Variants in SDK1 observed in about 807,000 individuals in gnomAD.
The protein encoded by SDK1 is protein sidekick-1.
In SDK1, 157 loss-of-function variants were observed where a neutral mutation model predicts 245.5. That is an observed-to-expected ratio of 0.64 (90% CI 0.56 to 0.73). The LOEUF (loss-of-function observed/expected upper bound fraction) is 0.73. Ranked by LOEUF, SDK1 falls within the 30% of genes least tolerant of loss-of-function variation. The pLI, the probability that SDK1 is intolerant of heterozygous loss-of-function variation, is 0.00. For missense variants in SDK1, 3,583 were observed against 3,002.3 expected, an observed-to-expected ratio of 1.19 and a Z score of -4.52; for synonymous variants, 1,647 against 1,278.5, an observed-to-expected ratio of 1.29 and a Z score of -6.15.
At chr7:3,458,449 C>T (rs117875979) in intron 1 of SDK1, among the ~76,000 whole-genome samples, 3 of 152,024 alleles carry the variant, frequency 2.0e-5, no homozygotes, top group East Asian at 3.9e-4. Flanking sequence ...TGTTAAGTCT[C>T]CTGGATTTAT....
chr7:3,942,695 G>T (rs1017824992), intron 5 of SDK1, among the ~76,000 whole-genome samples: 3 of 152,174 alleles, frequency 2.0e-5, no homozygotes, highest in Non-Finnish European at 4.4e-5. Flanking sequence ...TTACCTGCTG[G>T]TTTTTTGGTG....
chr7:3,350,199 C>T (rs76087678), intron 1 of SDK1, among the ~76,000 whole-genome samples: 10,553 of 152,162 alleles, frequency 0.069, 430 homozygotes, highest in African/African-American at 0.11. Context: ...CTCAGTCTAT[C>T]AGAAAACATA....
intron 1 of SDK1, among the ~76,000 whole-genome samples, chr7:3,518,698 G>A (rs969298783): frequency 3.9e-5 from 6 of 152,006 alleles, no homozygotes; most frequent in African/African-American, 9.7e-5. Context: ...GCAATGATAC[G>A]GAGAAAAGGG....
intron 1 of SDK1, among the ~76,000 whole-genome samples, chr7:3,471,191 G>A (rs1290184100): frequency 6.6e-6 from 1 of 152,126 alleles, no homozygotes; most frequent in Non-Finnish European, 1.5e-5. Flanking sequence ...CTAATTACTT[G>A]AGTCGTGAGA....
intron 1 of SDK1, among the ~76,000 whole-genome samples, chr7:3,557,835 C>G (rs996657228): frequency 1.3e-5 from 2 of 152,140 alleles, no homozygotes; most frequent in Admixed American, 1.3e-4. Context: ...AGACCTTGTT[C>G]TCATTCACAC....
intron 4 of SDK1, among the ~76,000 whole-genome samples, chr7:3,758,304 C>G (rs1209000701): frequency 1.3e-5 from 2 of 152,144 alleles, no homozygotes; most frequent in Non-Finnish European, 2.9e-5. Flanking sequence ...GGTGATTTTT[C>G]TCATTTCCCT....
At position 4,038,330 on chromosome 7, in the gene SDK1, A is replaced by G. The variant is rs199928333; in HGVS notation, c.2603-11018A>G. On this transcript the variant is annotated intron_variant, in intron 17 of 44. Transcript: ENST00000404826. ...GAGTTCCACTGAAACTTAAACTCCA[A>G]ACTCTTCACGCCCAGAGTCTATGAC... is the stretch of plus-strand genomic sequence containing the variant. Among the ~76,000 whole-genome samples the G allele has an allele frequency of 5.9e-5, 9 of 152,116 alleles. No individual in the cohort carries two copies. The East Asian group carries it at 1.5e-3, about 26-fold the overall frequency.
At chr7:3,914,922 A>G (rs1014819756) in intron 5 of SDK1, among the ~76,000 whole-genome samples, 1 of 152,232 alleles carries the variant, frequency 6.6e-6, no homozygotes, top group Non-Finnish European at 1.5e-5. Flanking sequence ...GTCTTAAGTG[A>G]CGGGCAAGAC....
chr7:3,520,749 A>C (rs190997203), intron 1 of SDK1, among the ~76,000 whole-genome samples: 200 of 152,308 alleles, frequency 1.3e-3, no homozygotes, highest in Non-Finnish European at 2.4e-3. Context: ...TTTTACCAGC[A>C]TTTAAAGAAC....
intron 1 of SDK1, among the ~76,000 whole-genome samples, chr7:3,365,675 AG>A (rs1781069200): frequency 6.6e-6 from 1 of 152,224 alleles, no homozygotes. Flanking sequence ...TGAAGGGCAT[AG>A]TCCTTTCAAT....
chr7:3,488,831 T>C (rs1781781537), intron 1 of SDK1, among the ~76,000 whole-genome samples: 1 of 152,102 alleles, frequency 6.6e-6, no homozygotes, highest in Non-Finnish European at 1.5e-5. Flanking sequence ...CCTCAGGGTC[T>C]CAGGATGACA....
At position 3,963,686 on chromosome 7, in the gene SDK1, G is replaced by A. The variant is rs562253655; in HGVS notation, c.1429+835G>A. 3.6e-5 allele frequency among the ~76,000 whole-genome samples: 4 copies of A among 112,502 alleles called. No individual in the cohort carries two copies. In the East Asian group the frequency reaches 1.1e-3, roughly 31 times the overall value. 73.8% of individuals were successfully genotyped at this position (112,502 alleles called of 152,430 possible). ...ATGGCTACCTGGATGTAACCAGTGG[G>A]TACACCCAGGCTCACAGCTACCTGA... On this transcript the variant is annotated intron_variant, in intron 9 of 44. Transcript: ENST00000404826.
chr7:4,090,628 A>T (rs1298126779), intron 22 of SDK1, among the ~76,000 whole-genome samples: 1 of 152,102 alleles, frequency 6.6e-6, no homozygotes, highest in Non-Finnish European at 1.5e-5. Context: ...CTGGCACAAG[A>T]TGTTCCCAAC....
intron 4 of SDK1, among the ~76,000 whole-genome samples, chr7:3,791,008 C>G (rs547744476): frequency 6.6e-6 from 1 of 152,248 alleles, no homozygotes; most frequent in South Asian, 2.1e-4. Flanking sequence ...GGGCAAGTTA[C>G]TTAACCTCTC....
chr7:3,574,716 T>G (rs1780230523), intron 1 of SDK1, among the ~76,000 whole-genome samples: 1 of 152,080 alleles, frequency 6.6e-6, no homozygotes, highest in Non-Finnish European at 1.5e-5. Context: ...ACTGCCTGGC[T>G]TCTTGAAATT....
chr7:3,484,973 G>T (rs1331523162), intron 1 of SDK1, among the ~76,000 whole-genome samples: 3 of 152,122 alleles, frequency 2.0e-5, no homozygotes, highest in Non-Finnish European at 2.9e-5. Context: ...GGGACTGCAG[G>T]TCATCTGTTT....
In SDK1 at chr7:3,660,442, G is replaced by C. The variant is rs544319412; in HGVS notation, c.713+18337G>C. On this transcript the variant is annotated intron_variant, in intron 4 of 44. Transcript: ENST00000404826. ...GTAAGAGATCAACAAAGCATAGAAA[G>C]AGAATGGGGAAATAGGAGGGAGACA... Among the ~76,000 whole-genome samples the C allele has an allele frequency of 2.6e-5, 4 of 152,224 alleles. No homozygotes were observed. The South Asian group carries it at 8.3e-4, about 32-fold the overall frequency.
intron 22 of SDK1, among the ~76,000 whole-genome samples, chr7:4,107,784 G>A (rs1238812528): frequency 2.0e-5 from 3 of 152,278 alleles, no homozygotes; most frequent in South Asian, 4.1e-4. Flanking sequence ...GGCCTCCCAC[G>A]GAAGCCTGAG....
chr7:3,796,327 G>T (rs1778958881), intron 4 of SDK1, among the ~76,000 whole-genome samples: 1 of 152,198 alleles, frequency 6.6e-6, no homozygotes, highest in Admixed American at 6.5e-5. Context: ...AAATGGAGAG[G>T]TTTCTTTGGC....
Sources: allele counts gnomAD v4.1 joint callset (sites outside exome capture counted in the v4.1 genomes callset), GRCh38; gene constraint gnomAD v4.1.1; transcripts MANE v1.5; gene names NCBI Gene and HGNC (gene_info 2026-07-23, HGNC 2026-07-21).